The following WWOX variants were observed in gnomAD, a reference collection of about 807,000 sequenced individuals.
The protein encoded by WWOX is WW domain-containing oxidoreductase.
WWOX carries 69 observed loss-of-function variants against 46.2 expected under a neutral mutation model. That is an observed-to-expected ratio of 1.49 (90% confidence interval 1.23 to 1.82). WWOX has a LOEUF of 1.82. WWOX is among the 40% of genes most tolerant of loss of function. WWOX has a pLI of 0.00. For synonymous variants in WWOX, 359 were observed against 202.6 expected (o/e 1.77, Z -6.56); for missense variants, 919 against 542.6 (o/e 1.69, Z -6.89).
At chr16:78,487,486 T>C (rs546220295) in intron 8 of WWOX, among the ~76,000 whole-genome samples, 1 of 152,326 alleles carries the variant, frequency 6.6e-6, no homozygotes, top group African/African-American at 2.4e-5. Context: ...GGGACCATTT[T>C]ACACTGAGGG....
intron 8 of WWOX, among the ~76,000 whole-genome samples, chr16:78,850,296 G>C (rs139372289): frequency 3.9e-5 from 6 of 152,108 alleles, no homozygotes; most frequent in Admixed American, 1.3e-4. Context: ...TTTCCCCTAT[G>C]AATGAGTTTT....
intron 8 of WWOX, among the ~76,000 whole-genome samples, chr16:78,997,524 T>G (rs1457668718): frequency 6.6e-6 from 1 of 152,224 alleles, no homozygotes; most frequent in Non-Finnish European, 1.5e-5. Context: ...TCATTGCCCT[T>G]TGCTCTTTCT....
At chr16:78,673,794 C>A (rs541397033) in intron 8 of WWOX, among the ~76,000 whole-genome samples, 4 of 152,188 alleles carry the variant, frequency 2.6e-5, no homozygotes, top group Admixed American at 2.0e-4. Flanking sequence ...CTTTGATGTC[C>A]CAATTCTATA....
chr16:78,607,340 A>G (rs1361418186), intron 8 of WWOX, among the ~76,000 whole-genome samples: 6 of 152,212 alleles, frequency 3.9e-5, no homozygotes, highest in African/African-American at 1.4e-4. Flanking sequence ...ATACGCTTAC[A>G]TCATTTACTT....
chr16:79,059,573 C>G (rs1432954804), intron 8 of WWOX, among the ~76,000 whole-genome samples: 1 of 152,200 alleles, frequency 6.6e-6, no homozygotes, highest in African/African-American at 2.4e-5. Flanking sequence ...TCACTGCAGC[C>G]TCCGCCTTCC....
chr16:78,423,792 G>A (rs2083009224), intron 6 of WWOX, among the ~76,000 whole-genome samples: 1 of 149,262 alleles, frequency 6.7e-6, no homozygotes, highest in Admixed American at 6.7e-5. Flanking sequence ...ACTGCAGTGA[G>A]TTATGACCAC....
intron 5 of WWOX, among the ~76,000 whole-genome samples, chr16:78,333,885 C>T (rs2080819761): frequency 1.3e-5 from 2 of 152,128 alleles, no homozygotes; most frequent in African/African-American, 4.8e-5. Flanking sequence ...CACAGAACAA[C>T]ACAGTGAGAG....
At chr16:79,205,878 C>T (rs903142886) in intron 8 of WWOX, 3 of 152,060 alleles carry the variant, frequency 2.0e-5, no homozygotes, top group Non-Finnish European at 2.9e-5. Context: ...CACCTACATG[C>T]GTGGGAACTG....
intron 8 of WWOX, among the ~76,000 whole-genome samples, chr16:78,805,484 AGT>A (rs2051008750): frequency 6.6e-6 from 1 of 151,396 alleles, no homozygotes; most frequent in South Asian, 2.1e-4. Flanking sequence ...AGGGTTTCAC[AGT>A]GTTATGCAGG....
intron 8 of WWOX, among the ~76,000 whole-genome samples, chr16:78,929,288 C>G (rs1193744332): frequency 1.3e-5 from 2 of 151,078 alleles, no homozygotes; most frequent in East Asian, 1.9e-4. Context: ...CCTAGCAGTT[C>G]TCTTTTTTAA....
chr16:78,851,115 C>A (rs1463854952), intron 8 of WWOX, among the ~76,000 whole-genome samples: 1 of 152,116 alleles, frequency 6.6e-6, no homozygotes, highest in East Asian at 1.9e-4. Flanking sequence ...GTGGTATTTA[C>A]CTTGATGAGT....
intron 8 of WWOX, among the ~76,000 whole-genome samples, chr16:78,590,166 T>TCTCTCTC (rs879699302): frequency 2.5e-5 from 1 of 39,310 alleles, no homozygotes; most frequent in South Asian, 5.0e-4. Flanking sequence ...CTCTCTCTGT[T>TCTCTCTC]TATTATAGAT....
At chr16:78,968,588 C>T (rs1412807357) in intron 8 of WWOX, among the ~76,000 whole-genome samples, 1 of 152,188 alleles carries the variant, frequency 6.6e-6, no homozygotes, top group Non-Finnish European at 1.5e-5. Flanking sequence ...AGCAATGGGG[C>T]AGGCTTTTCC....
chr16:78,217,664 G>A (rs1422072117), intron 5 of WWOX, among the ~76,000 whole-genome samples: 5 of 152,046 alleles, frequency 3.3e-5, no homozygotes, highest in African/African-American at 4.8e-5. Context: ...CAGGTGTCTC[G>A]GAAAGTGTTT....
At chr16:79,101,970 C>T (rs1280815946) in intron 8 of WWOX, among the ~76,000 whole-genome samples, 1 of 147,812 alleles carries the variant, frequency 6.8e-6, no homozygotes, top group Non-Finnish European at 1.5e-5. Context: ...CTGAAGTTGA[C>T]ACTTAATTCA....
chr16:78,965,015 G>A (rs2046338961), intron 8 of WWOX, among the ~76,000 whole-genome samples: 1 of 152,314 alleles, frequency 6.6e-6, no homozygotes, highest in South Asian at 2.1e-4. Context: ...AAAATATATG[G>A]AAACACCTGG....
intron 5 of WWOX, among the ~76,000 whole-genome samples, chr16:78,386,361 A>T (rs1053923459): frequency 1.3e-5 from 2 of 152,276 alleles, no homozygotes; most frequent in Non-Finnish European, 1.5e-5. Context: ...GTCAGAATCC[A>T]TTGGTATAAA....
intron 5 of WWOX, among the ~76,000 whole-genome samples, chr16:78,175,113 G>A (rs1055880280): frequency 6.6e-6 from 1 of 152,052 alleles, no homozygotes; most frequent in African/African-American, 2.4e-5. Flanking sequence ...GGGCAGAAAG[G>A]TGCCTATCAT....
intron 8 of WWOX, among the ~76,000 whole-genome samples, chr16:78,950,893 G>A (rs1192224906): frequency 6.6e-6 from 1 of 152,092 alleles, no homozygotes; most frequent in Non-Finnish European, 1.5e-5. Flanking sequence ...GCAGAGGTGT[G>A]GTAGCTGAAG....
Sources: allele counts gnomAD v4.1 joint callset (sites outside exome capture counted in the v4.1 genomes callset), GRCh38; gene constraint gnomAD v4.1.1; transcripts MANE v1.5; gene names NCBI Gene and HGNC (gene_info 2026-07-23, HGNC 2026-07-21).